NGEF: variants seen among roughly 807,000 people sequenced by gnomAD.
NGEF encodes the protein neuronal guanine nucleotide exchange factor.
NGEF carries 31 observed loss-of-function variants against 80.9 expected under a neutral mutation model. The ratio of observed to expected loss-of-function variants is 0.38; its 90% CI spans 0.29 to 0.52. NGEF has a LOEUF of 0.52. NGEF is among the 20% of genes least tolerant of loss of function. The probability of loss-of-function intolerance (pLI) is 0.84; values close to 1 mark genes in which losing one functional copy is unlikely to be tolerated. For synonymous variants in NGEF, 371 were observed against 370.2 expected (o/e 1.00, Z -0.03); for missense variants, 709 against 926.2 (o/e 0.77, Z 3.04).
intron 3 of NGEF, chr2:232,927,866 G>T: frequency 8.0e-7 from 1 of 1,252,606 alleles, no homozygotes; most frequent in East Asian, 3.3e-5. Context: ...GCGGCGCGCC[G>T]GGGCCGGGAC....
chr2:232,981,974 A>T (rs1694438766), intron 1 of NGEF, among the ~76,000 whole-genome samples: 1 of 152,174 alleles, frequency 6.6e-6, no homozygotes, highest in Non-Finnish European at 1.5e-5. Flanking sequence ...CCAGAGGGAA[A>T]AAAGGACTAC....
intron 8 of NGEF, among the ~76,000 whole-genome samples, chr2:232,889,002 C>G (rs1331993215): frequency 1.3e-5 from 2 of 152,220 alleles, no homozygotes; most frequent in Non-Finnish European, 2.9e-5. Flanking sequence ...GCACCAACCA[C>G]CTGTCCTCCC....
intron 5 of NGEF, among the ~76,000 whole-genome samples, chr2:232,896,383 T>C (rs1692060144): frequency 6.6e-6 from 1 of 152,040 alleles, no homozygotes; most frequent in Non-Finnish European, 1.5e-5. Flanking sequence ...AAGGATCCTC[T>C]GCAGAGCTGT....
chr2:232,907,536 C>T (rs948683097), intron 5 of NGEF, among the ~76,000 whole-genome samples: 4 of 152,078 alleles, frequency 2.6e-5, no homozygotes, highest in African/African-American at 4.8e-5. Flanking sequence ...CATAAAAAGA[C>T]GATAAAAAAT....
intron 3 of NGEF, among the ~76,000 whole-genome samples, chr2:232,964,809 A>C (rs1694024112): frequency 6.6e-6 from 1 of 152,256 alleles, no homozygotes; most frequent in South Asian, 2.1e-4. Flanking sequence ...GTGTGATCCC[A>C]TTTGTTGTGT....
chr2:232,958,772 C>T (rs1393162356), intron 3 of NGEF, among the ~76,000 whole-genome samples: 1 of 152,096 alleles, frequency 6.6e-6, no homozygotes, highest in Non-Finnish European at 1.5e-5. Context: ...TGGAAAATTT[C>T]AAACATATAC....
rs188220501 is a variant in NGEF, at chr2:232,946,297, G to C, written c.384-19111C>G. ...GGGACTTGGGGGGAAGGTTGGGAAGGGGGTGAGGGATAAAAGATTACAAAT... is the reference window on the plus strand; with the variant it reads ...GGGACTTGGGGGGAAGGTTGGGAAGCGGGTGAGGGATAAAAGATTACAAAT... On this transcript the variant is annotated intron_variant, in intron 3 of 14. Transcript: ENST00000264051. Among the ~76,000 whole-genome samples the C allele has an allele frequency of 5.9e-5, 9 of 152,072 alleles. No individual in the cohort carries two copies. The East Asian group carries it at 1.7e-3, about 29-fold the overall frequency.
chr2:232,893,520 T>C (rs918645109), intron 6 of NGEF, among the ~76,000 whole-genome samples: 2 of 152,204 alleles, frequency 1.3e-5, no homozygotes, highest in Non-Finnish European at 2.9e-5. Flanking sequence ...ACGCCTGTAA[T>C]CCCAGCACTT....
At chr2:232,999,745 G>A (rs1694929811) in intron 1 of NGEF, among the ~76,000 whole-genome samples, 1 of 152,254 alleles carries the variant, frequency 6.6e-6, no homozygotes, top group Non-Finnish European at 1.5e-5. Context: ...GCGCAAGGCA[G>A]ACGCTACGTA....
At chr2:232,975,695 G>A (rs1694277865) in intron 1 of NGEF, among the ~76,000 whole-genome samples, 2 of 152,136 alleles carry the variant, frequency 1.3e-5, no homozygotes, top group Admixed American at 1.3e-4. Flanking sequence ...GGTGCTCAGG[G>A]CGAGAGACTA....
intron 3 of NGEF, among the ~76,000 whole-genome samples, chr2:232,931,368 A>G (rs1693213929): frequency 6.6e-6 from 1 of 152,220 alleles, no homozygotes; most frequent in Non-Finnish European, 1.5e-5. Flanking sequence ...GTTTTGTGGA[A>G]GGTAGAAATT....
chr2:232,952,575 A>G (rs915148753), intron 3 of NGEF, among the ~76,000 whole-genome samples: 1 of 152,214 alleles, frequency 6.6e-6, no homozygotes, highest in African/African-American at 2.4e-5. Context: ...AGATCTGTTT[A>G]ACTCCACATA....
chr2:232,910,282 T>C (rs1294893553), intron 5 of NGEF, among the ~76,000 whole-genome samples: 1 of 152,050 alleles, frequency 6.6e-6, no homozygotes, highest in African/African-American at 2.4e-5. Flanking sequence ...TCATCAGGTA[T>C]TAGATTTTCA....
At chr2:232,904,015 A>G (rs1164054909) in intron 5 of NGEF, among the ~76,000 whole-genome samples, 1 of 152,182 alleles carries the variant, frequency 6.6e-6, no homozygotes, top group Non-Finnish European at 1.5e-5. Flanking sequence ...TTACAGCTGT[A>G]AAAATTACAG....
At chr2:232,993,587 G>A (rs557329421) in intron 1 of NGEF, among the ~76,000 whole-genome samples, 1 of 152,212 alleles carries the variant, frequency 6.6e-6, no homozygotes, top group South Asian at 2.1e-4. Flanking sequence ...CAAGAGACAT[G>A]AAAACATACA....
chr2:232,967,967 T>C (rs1694099489), intron 3 of NGEF, among the ~76,000 whole-genome samples: 2 of 152,306 alleles, frequency 1.3e-5, no homozygotes, highest in Admixed American at 1.3e-4. Context: ...TATCATAGTG[T>C]GGCTTACAAA....
intron 1 of NGEF, 46 bp from the exon 2 acceptor site, chr2:232,975,010 G>C (rs1204727458): frequency 1.0e-6 from 1 of 979,414 alleles, no homozygotes; most frequent in African/African-American, 1.6e-5. Context: ...ATCAGGCTAA[G>C]TATTCTATTC....
At chr2:232,882,364 T>C in intron 12 of NGEF, 99 bp from the exon 13 acceptor site, 1 of 1,093,006 alleles carries the variant, frequency 9.1e-7, no homozygotes, top group Non-Finnish European at 1.4e-6. Context: ...CGGATCTGCG[T>C]CCACCATCCT....
chr2:232,885,225 GC>G, intron 10 of NGEF, 54 bp downstream of exon 10: 1 of 1,510,630 alleles, frequency 6.6e-7, no homozygotes. Context: ...TGCCTCTGGG[GC>G]GGGGCCAGGG....
Sources: allele counts gnomAD v4.1 joint callset (sites outside exome capture counted in the v4.1 genomes callset), GRCh38; gene constraint gnomAD v4.1.1; transcripts MANE v1.5; gene names NCBI Gene and HGNC (gene_info 2026-07-23, HGNC 2026-07-21).